The following MOBP variants were observed in gnomAD, a reference collection of about 807,000 sequenced individuals.
MOBP encodes the protein myelin associated oligodendrocyte basic protein, also known as myelin-associated oligodendrocyte basic protein.
In MOBP, 5 loss-of-function variants were observed where a neutral mutation model predicts 15.0. The observed-to-expected ratio is 0.33, with a 90% CI of 0.17 to 0.70. The LOEUF (loss-of-function observed/expected upper bound fraction) is 0.70, where lower values mean the gene tolerates loss of function less well. Among genes scored for constraint, MOBP ranks in the 30% least tolerant of loss-of-function variants. The pLI, the probability that MOBP is intolerant of heterozygous loss-of-function variation, is 0.67. For missense variants in MOBP, 188 were observed against 257.8 expected, an observed-to-expected ratio of 0.73 and a Z score of 1.85; for synonymous variants, 88 against 99.0, an observed-to-expected ratio of 0.89 and a Z score of 0.66.
chr3:39,468,760 ATG>A lies in MOBP; in HGVS notation c.-89+1028_-89+1029del, dbSNP rs775499778. Among the ~76,000 whole-genome samples the A allele has an allele frequency of 5.1e-4, 69 of 135,548 alleles. 13 individuals are homozygous for A. Among genetic ancestry groups the A allele is most frequent in the East Asian group, 1.2e-3 (6 of 4,904 alleles). The allele number at this position is 135,548 out of a possible 152,430, so 88.9% of individuals were successfully genotyped here. A position where few individuals can be genotyped will look rare whatever the true frequency, so the allele number is the denominator to read the frequency against. Reference sequence around the variant, plus strand: ...TGTGTGTGTATATATACATATATACATGTGTGTGTATATATACATATATACAT... The same window carrying A: ...TGTGTGTGTATATATACATATATACATGTGTGTATATATACATATATACAT... On this transcript the variant is annotated intron_variant, in intron 1 of 3. Transcript: ENST00000684792.
rs552122752 is a variant in MOBP at position 39,475,857 on chromosome 3, A to G, written c.-88-4183A>G. ...TCTTTAATGAGCCATGGTTCCTTTT[A>G]TTGGACACTTTACCAGTGTAGCCTA... On this transcript the variant is annotated intron_variant, in intron 1 of 3. Coordinates refer to ENST00000684792, the MANE Select transcript of MOBP (RefSeq NM_001393704.1). Among the ~76,000 whole-genome samples the G allele has an allele frequency of 2.0e-5, 3 of 152,228 alleles. No individual in the cohort carries two copies. In the East Asian group the frequency reaches 5.8e-4, roughly 29 times the overall value.
intron 2 of MOBP, among the ~76,000 whole-genome samples, chr3:39,494,782 G>GCCCCCCCCCCCCCCCCCCC (rs142834446): frequency 1.2e-5 from 1 of 85,946 alleles, no homozygotes; most frequent in African/African-American, 4.6e-5. Flanking sequence ...TATTTTCAAA[G>GCCCCCCCCCCCCCCCCCCC]CCCCCCCCCG....
chr3:39,494,796 C>CTGA (rs564079882), intron 2 of MOBP, among the ~76,000 whole-genome samples: 1 of 117,398 alleles, frequency 8.5e-6, no homozygotes, highest in African/African-American at 3.2e-5. Flanking sequence ...CCCCCCGCCC[C>CTGA]CCGAGTTACG....
exon 5 of MOBP, chr3:39,514,528 C>G (rs1334925873): frequency 6.6e-6 from 1 of 152,286 alleles, no homozygotes; most frequent in Non-Finnish European, 1.5e-5. Context: ...CCTGGCTGGC[C>G]TCTCCACATT....
chr3:39,519,964 T>G (rs908774474), downstream of MOBP, among the ~76,000 whole-genome samples: 9 of 152,070 alleles, frequency 5.9e-5, no homozygotes, highest in African/African-American at 2.2e-4. Context: ...CATCTGTTTT[T>G]TTTTTTTTTT....
chr3:39,512,193 C>CTA (rs879889385), intron 4 of MOBP, among the ~76,000 whole-genome samples: 5 of 152,180 alleles, frequency 3.3e-5, no homozygotes, highest in African/African-American at 9.7e-5. Flanking sequence ...GCTGCTATTG[C>CTA]TAGTAAAATG....
downstream of MOBP, chr3:39,526,332 T>C (rs1221819621): frequency 1.3e-5 from 2 of 152,250 alleles, no homozygotes; most frequent in African/African-American, 4.8e-5. Context: ...TCTGTTTGTC[T>C]GTTGTGGAAA....
chr3:39,497,146 T>C (rs758662642), intron 2 of MOBP, among the ~76,000 whole-genome samples: 16 of 152,216 alleles, frequency 1.1e-4, no homozygotes, highest in Admixed American at 6.5e-4. Context: ...CAGCAGTGAA[T>C]ATAGATTTTT....
downstream of MOBP, among the ~76,000 whole-genome samples, chr3:39,518,445 C>T (rs1438590979): frequency 6.6e-6 from 1 of 152,114 alleles, no homozygotes; most frequent in South Asian, 2.1e-4. Context: ...GGAAGTCCTT[C>T]CTGTGATGAG....
At chr3:39,491,486 A>G (rs1255075914) in intron 2 of MOBP, among the ~76,000 whole-genome samples, 1 of 152,214 alleles carries the variant, frequency 6.6e-6, no homozygotes, top group Non-Finnish European at 1.5e-5. Context: ...TATTATTTAT[A>G]ACTTATGCTT....
intron 1 of MOBP, among the ~76,000 whole-genome samples, chr3:39,469,229 CATATGTGTGTGTATATATACAT>C (rs1490799544): frequency 1.8e-5 from 2 of 113,764 alleles, no homozygotes; most frequent in South Asian, 2.6e-4. Flanking sequence ...TACATATATA[CATATGTGTGTGTATATATACAT>C]ATATGTGTGT....
downstream of MOBP, among the ~76,000 whole-genome samples, chr3:39,504,375 A>G (rs1163441131): frequency 1.3e-5 from 2 of 152,244 alleles, no homozygotes; most frequent in Admixed American, 6.5e-5. Flanking sequence ...CAATCAGGAC[A>G]TGGAAAGGAG....
At position 39,469,035 on chromosome 3, in the gene MOBP, CATAT is replaced by C. The variant is rs1559411957; in HGVS notation, c.-89+1299_-89+1302del. On this transcript the variant is annotated intron_variant, in intron 1 of 3. Coordinates refer to ENST00000684792, the MANE Select transcript of MOBP (RefSeq NM_001393704.1). ...ATATACATATGTGTGTATATATATA[CATAT>C]ATACATATGTGTGTGTATATACATA... Among the ~76,000 whole-genome samples, 26 of 41,260 alleles carry C rather than the reference CATAT, an allele frequency of 6.3e-4. 4 individuals are homozygous for C. Among genetic ancestry groups the C allele is most frequent in the African/African-American group, 3.6e-3 (25 of 6,962 alleles). The allele number at this position is 41,260 out of a possible 152,430, so 27.1% of individuals were successfully genotyped here. A position where few individuals can be genotyped will look rare whatever the true frequency, so the allele number is the denominator to read the frequency against.
chr3:39,494,575 C>T (rs144019421), intron 2 of MOBP, among the ~76,000 whole-genome samples: 10 of 151,804 alleles, frequency 6.6e-5, no homozygotes, highest in African/African-American at 2.4e-4. Context: ...TGTTTTTAAC[C>T]ACTAAAGTAA....
Position 39,502,881 on chromosome 3 carries a change from C to A in MOBP, c.*1C>A. On this transcript the variant is annotated 3_prime_UTR_variant, in exon 4 of 4. Transcript: ENST00000684792. This position sits in a 1 kb window ranked among gnomAD's most constrained non-coding sequence, Gnocchi z 6.3. The stretch of plus-strand genomic sequence containing the variant: ...CGTCAAAGCTTCTAGGTTCTGGTAA[C>A]ACCATCTCTTCCCTTTTGTTCCCCA... 1.7e-6 allele frequency: 2 copies of A among 1,209,022 alleles called. No individual in the cohort carries two copies. Among genetic ancestry groups the A allele is most frequent in the Non-Finnish European group, 2.3e-6 (2 of 877,198 alleles). 74.9% of individuals were successfully genotyped at this position (1,209,022 alleles called of 1,614,324 possible). A position where few individuals can be genotyped will look rare whatever the true frequency, so the allele number is the denominator to read the frequency against.
intron 2 of MOBP, among the ~76,000 whole-genome samples, chr3:39,497,401 G>A (rs1376063468): frequency 1.3e-5 from 2 of 152,188 alleles, no homozygotes; most frequent in East Asian, 3.9e-4. Flanking sequence ...GGATCTTTGA[G>A]ACTTATCCCA....
At chr3:39,507,060 G>C (rs1002815495), downstream of MOBP, among the ~76,000 whole-genome samples, 1 of 152,118 alleles carries the variant, frequency 6.6e-6, no homozygotes. Flanking sequence ...GTCCCCTAGG[G>C]TTCCCTACTG....
chr3:39,504,030 A>G (rs1331495273), downstream of MOBP, among the ~76,000 whole-genome samples: 1 of 152,248 alleles, frequency 6.6e-6, no homozygotes, highest in Admixed American at 6.5e-5. Flanking sequence ...TGACCTAAAC[A>G]ATCCATAAAT....
At chr3:39,498,475 C>G (rs912471783) in intron 2 of MOBP, among the ~76,000 whole-genome samples, 14 of 152,024 alleles carry the variant, frequency 9.2e-5, no homozygotes, top group African/African-American at 3.1e-4. Flanking sequence ...CTCAGCTGCC[C>G]GAGTAGCTGG....
Sources: gnomAD v4.1 joint callset for allele counts (sites outside exome capture counted in the v4.1 genomes callset) on GRCh38, gnomAD v4.1.1 for gene constraint, Gnocchi (gnomAD v3.1) non-coding constraint, MANE v1.5 for transcripts, NCBI Gene and HGNC (gene_info 2026-07-23, HGNC 2026-07-21) for gene names.